Variants in TMEM132D observed in about 807,000 individuals in gnomAD.
TMEM132D encodes transmembrane protein 132D, also known as mature OL transmembrane protein.
A neutral mutation model predicts 62.3 loss-of-function variants in TMEM132D; 21 were observed. The observed-to-expected ratio is 0.34, with a 90% CI of 0.24 to 0.49. The LOEUF (loss-of-function observed/expected upper bound fraction) is 0.49, where lower values mean the gene tolerates loss of function less well. Among genes scored for constraint, TMEM132D ranks in the 20% least tolerant of loss-of-function variants. The pLI, the probability that TMEM132D is intolerant of heterozygous loss-of-function variation, is 0.99. For synonymous variants in TMEM132D, 621 were observed against 575.6 expected (o/e 1.08, Z -1.13); for missense variants, 1,346 against 1,402.8 (o/e 0.96, Z 0.65).
At chr12:129,649,214 C>T (rs1297302940) in intron 2 of TMEM132D, among the ~76,000 whole-genome samples, 3 of 152,134 alleles carry the variant, frequency 2.0e-5, no homozygotes, top group Non-Finnish European at 4.4e-5. Context: ...TTTGTTTACT[C>T]CAGTCAGGTA....
intron 5 of TMEM132D, among the ~76,000 whole-genome samples, chr12:129,188,718 T>G (rs1878287782): frequency 8.4e-6 from 1 of 118,978 alleles, no homozygotes; most frequent in Non-Finnish European, 1.7e-5. Context: ...ATAATAGAGA[T>G]AAATGAGAGA....
intron 2 of TMEM132D, among the ~76,000 whole-genome samples, chr12:129,600,549 T>A (rs1878458337): frequency 6.6e-6 from 1 of 152,254 alleles, no homozygotes; most frequent in Non-Finnish European, 1.5e-5. Flanking sequence ...GAGGAATCAC[T>A]ATCTCTGGCA....
intron 3 of TMEM132D, among the ~76,000 whole-genome samples, chr12:129,527,136 C>T (rs7304244): frequency 0.67 from 101,764 of 151,890 alleles, 34,600 homozygotes; most frequent in African/African-American, 0.78. Context: ...GGGCAAAACC[C>T]CACCTCTACT....
intron 2 of TMEM132D, among the ~76,000 whole-genome samples, chr12:129,646,957 CT>C (rs1214953440): frequency 4.0e-5 from 6 of 151,808 alleles, no homozygotes. Flanking sequence ...CGCCACCACG[CT>C]TGGCTAATTT....
At position 129,670,548 on chromosome 12, in the gene TMEM132D, T is replaced by C. The variant is rs148862831; in HGVS notation, c.968+29262A>G. ...CCTCGACTCCCTGTGATTTCATCCC[T>C]AAGCAATCAGCACTCCTGGCTCACT... On this transcript the variant is annotated intron_variant, in intron 2 of 8. Transcript: ENST00000422113. Among the ~76,000 whole-genome samples the C allele has an allele frequency of 7.0e-3, 1,068 of 152,204 alleles. 5 individuals carry two copies. The highest frequency in any genetic ancestry group is 0.01 in the Middle Eastern group (3 of 294).
At chr12:129,147,337 T>C (rs1876942164) in intron 5 of TMEM132D, among the ~76,000 whole-genome samples, 2 of 149,606 alleles carry the variant, frequency 1.3e-5, no homozygotes, top group Admixed American at 1.4e-4. Flanking sequence ...TACATATATA[T>C]TTTTTCTGAA....
chr12:129,570,478 C>T (rs1275069676), intron 2 of TMEM132D, among the ~76,000 whole-genome samples: 3 of 152,198 alleles, frequency 2.0e-5, no homozygotes, highest in African/African-American at 4.8e-5. Flanking sequence ...AAAGGAACCA[C>T]AGGTTCGTGA....
At chr12:129,632,108 C>T (rs1048577484) in intron 2 of TMEM132D, among the ~76,000 whole-genome samples, 4 of 152,236 alleles carry the variant, frequency 2.6e-5, no homozygotes, top group South Asian at 4.1e-4. Flanking sequence ...TCAGGTATTT[C>T]GGTGCTGACT....
chr12:129,273,833 G>A lies in TMEM132D; in HGVS notation c.1299+63801C>T, dbSNP rs973237246. On this transcript the variant is annotated intron_variant, in intron 4 of 8. Transcript: ENST00000422113. ...TGCTCACTTCCTTGATGATGGGATC[G>A]ATTGTACCCCAAACCTCAGCATCAC... Among the ~76,000 whole-genome samples the A allele has an allele frequency of 6.0e-5, 9 of 151,244 alleles. No individual in the cohort carries two copies. In the Middle Eastern group the frequency reaches 0.01, roughly 171 times the overall value.
intron 5 of TMEM132D, among the ~76,000 whole-genome samples, chr12:129,149,186 A>T (rs1322456919): frequency 6.9e-6 from 1 of 144,554 alleles, no homozygotes; most frequent in African/African-American, 2.5e-5. Flanking sequence ...ATGAGAACAC[A>T]TGGACACAGG....
intron 2 of TMEM132D, among the ~76,000 whole-genome samples, chr12:129,615,529 T>C (rs1002340856): frequency 2.0e-5 from 3 of 149,694 alleles, no homozygotes; most frequent in Non-Finnish European, 4.4e-5. Flanking sequence ...TGTGAGAGGA[T>C]TGTTCGAGCC....
Position 129,903,825 on chromosome 12 carries a change from T to G in TMEM132D, c.-486A>C, listed in dbSNP as rs1804143409. Reference sequence around the variant, plus strand: ...GGCGGCTCGGAGCCCCCCGGGCGGGTGGCCGGGCTCGCTGGGCGGCCCGGG... The same window carrying G: ...GGCGGCTCGGAGCCCCCCGGGCGGGGGGCCGGGCTCGCTGGGCGGCCCGGG... On this transcript the variant is annotated 5_prime_UTR_variant, in exon 1 of 9. Coordinates refer to ENST00000422113, the MANE Select transcript of TMEM132D (RefSeq NM_133448.3). This position sits in a 1 kb window ranked among gnomAD's most constrained non-coding sequence, Gnocchi z 6.2. Among the ~76,000 whole-genome samples the G allele has an allele frequency of 2.7e-5, 4 of 145,994 alleles. No individual in the cohort carries two copies. The South Asian group carries it at 8.5e-4, about 31-fold the overall frequency.
intron 2 of TMEM132D, among the ~76,000 whole-genome samples, chr12:129,664,389 T>G (rs1033343950): frequency 6.6e-6 from 1 of 152,122 alleles, no homozygotes; most frequent in South Asian, 2.1e-4. Flanking sequence ...TTTGAAATGC[T>G]TTTTCTATCT....
chr12:129,363,228 A>C (rs1343496992), intron 3 of TMEM132D, among the ~76,000 whole-genome samples: 1 of 152,208 alleles, frequency 6.6e-6, no homozygotes, highest in Non-Finnish European at 1.5e-5. Flanking sequence ...CAGTAACTGG[A>C]CTGTCTCCAG....
At chr12:129,506,105 T>C (rs1446180654) in intron 3 of TMEM132D, among the ~76,000 whole-genome samples, 1 of 152,230 alleles carries the variant, frequency 6.6e-6, no homozygotes, top group African/African-American at 2.4e-5. Context: ...ATTGTAATTT[T>C]TGTTTTATAA....
intron 2 of TMEM132D, among the ~76,000 whole-genome samples, chr12:129,671,566 G>A (rs1349890595): frequency 1.3e-5 from 2 of 152,158 alleles, no homozygotes; most frequent in Admixed American, 6.5e-5. Context: ...AGCCAACGTG[G>A]TGAGGGCAGC....
intron 4 of TMEM132D, among the ~76,000 whole-genome samples, chr12:129,243,103 A>G (rs1879979291): frequency 6.6e-6 from 1 of 152,252 alleles, no homozygotes; most frequent in Non-Finnish European, 1.5e-5. Flanking sequence ...AAGGCAAAGC[A>G]AAGCAAACAC....
chr12:129,838,392 G>C (rs886416087), intron 1 of TMEM132D, among the ~76,000 whole-genome samples: 3 of 152,218 alleles, frequency 2.0e-5, no homozygotes, highest in Non-Finnish European at 2.9e-5. Flanking sequence ...TCTGGAAAGA[G>C]AGAGACAAAA....
At chr12:129,566,458 A>G (rs1877370869) in intron 2 of TMEM132D, among the ~76,000 whole-genome samples, 3 of 152,134 alleles carry the variant, frequency 2.0e-5, no homozygotes, top group African/African-American at 7.2e-5. Flanking sequence ...GACGTGCCTC[A>G]TTATACTCTC....
Sources: allele counts gnomAD v4.1 joint callset (sites outside exome capture counted in the v4.1 genomes callset), GRCh38; gene constraint gnomAD v4.1.1; non-coding constraint Gnocchi (gnomAD v3.1); transcripts MANE v1.5; gene names NCBI Gene and HGNC (gene_info 2026-07-23, HGNC 2026-07-21).